KMT5A: variants seen among roughly 807,000 people sequenced by gnomAD.
The protein encoded by KMT5A is lysine methyltransferase 5A, also known as N-lysine methyltransferase KMT5A.
Under a neutral mutation model 40.6 loss-of-function variants are expected in KMT5A, and 6 were observed. The ratio of observed to expected loss-of-function variants is 0.15; its 90% CI spans 0.08 to 0.29. The LOEUF (loss-of-function observed/expected upper bound fraction) is 0.29, where lower values mean the gene tolerates loss of function less well. Ranked by LOEUF, KMT5A falls within the 10% of genes least tolerant of loss-of-function variation. The probability of loss-of-function intolerance (pLI) is 1.00; values close to 1 mark genes in which losing one functional copy is unlikely to be tolerated. For synonymous variants in KMT5A, 153 were observed against 178.8 expected (o/e 0.86, Z 1.15); for missense variants, 308 against 459.1 (o/e 0.67, Z 3.01).
intron 1 of KMT5A, chr12:123,389,226 G>GCCAT: frequency 1.6e-4 from 22 of 139,138 alleles, no homozygotes; most frequent in Non-Finnish European, 3.1e-4. Flanking sequence ...GGCGGCGCGC[G>GCCAT]GGGCCTGGCC....
intron 5 of KMT5A, among the ~76,000 whole-genome samples, chr12:123,397,473 A>G (rs560009233): frequency 1.3e-5 from 2 of 152,310 alleles, no homozygotes; most frequent in South Asian, 2.1e-4. Context: ...GCGCAGATAC[A>G]CAGTGGTCTA....
At chr12:123,398,853 G>C (rs572453772) in intron 5 of KMT5A, among the ~76,000 whole-genome samples, 16 of 152,380 alleles carry the variant, frequency 1.1e-4, no homozygotes, top group African/African-American at 3.8e-4. Flanking sequence ...GATCCAGGAG[G>C]GTGGGGCATA....
intron 7 of KMT5A, 72 bp from the exon 8 acceptor site, chr12:123,407,421 C>G (rs1878635460): frequency 7.1e-7 from 1 of 1,403,920 alleles, no homozygotes; most frequent in Non-Finnish European, 1.0e-6. Context: ...GAGCTGAGCA[C>G]AAGTGTGACT....
chr12:123,407,018 CAA>C (rs56732264), intron 7 of KMT5A, among the ~76,000 whole-genome samples: 120 of 28,488 alleles, frequency 4.2e-3, no homozygotes, highest in African/African-American at 0.016. Flanking sequence ...GACTCCCTCT[CAA>C]AAAAAAAAAA....
chr12:123,394,105 T>TC (rs55716372), intron 3 of KMT5A, among the ~76,000 whole-genome samples: 4 of 804 alleles, frequency 5.0e-3, no homozygotes, highest in Non-Finnish European at 0.02. Context: ...TTTTTTTTTC[T>TC]TTTTTTTTTT....
intron 7 of KMT5A, 78 bp from the exon 8 acceptor site, chr12:123,407,415 T>C: frequency 7.4e-7 from 1 of 1,343,160 alleles, no homozygotes. Context: ...CCACCAGAGC[T>C]GAGCACAAGT....
intron 7 of KMT5A, among the ~76,000 whole-genome samples, chr12:123,407,018 CAAAAAA>C (rs56732264): frequency 1.1e-4 from 3 of 28,504 alleles, no homozygotes; most frequent in East Asian, 1.3e-3. Context: ...GACTCCCTCT[CAAAAAA>C]AAAAAAAAAA....
At chr12:123,406,084 G>A (rs1201159084) in intron 7 of KMT5A, among the ~76,000 whole-genome samples, 1 of 152,024 alleles carries the variant, frequency 6.6e-6, no homozygotes, top group Non-Finnish European at 1.5e-5. Context: ...CTCCCAAAGT[G>A]CTGGGATTAC....
In KMT5A at chr12:123,397,256, G is replaced by A. The variant is rs542701521; in HGVS notation, c.597+824G>A. The stretch of plus-strand genomic sequence containing the variant: ...GTGTGGTTATTGCCTTTCTGTGAAG[G>A]AAACGCAGGGCATGGCAGGTCCCTC... On this transcript the variant is annotated intron_variant, in intron 5 of 7. Coordinates refer to ENST00000402868, the MANE Select transcript of KMT5A (RefSeq NM_020382.7). Among the ~76,000 whole-genome samples, 23 of 152,356 alleles carry A rather than the reference G, an allele frequency of 1.5e-4. No homozygotes were observed. In the South Asian group the frequency reaches 2.5e-3, roughly 16 times the overall value.
intron 5 of KMT5A, 126 bp downstream of exon 5, chr12:123,396,558 C>T (rs1877744841): frequency 4.8e-6 from 4 of 836,272 alleles, no homozygotes; most frequent in Non-Finnish European, 7.6e-6. Flanking sequence ...CTCTTGGCCC[C>T]TCTGGACTTG....
chr12:123,405,012 C>T lies in KMT5A; in HGVS notation c.786C>T (p.Tyr262=), dbSNP rs114151192. Residue 262 remains tyrosine, a synonymous_variant, in exon 7 of 8, where the codon TAC becomes TAT. Coordinates refer to ENST00000402868, the MANE Select transcript of KMT5A (RefSeq NM_020382.7). ...ITDAKKREAL[Y]AQDPSTGCYM... ...ACGCCAAGAAACGGGAGGCTCTGTA[C>T]GCACAGGACCCTTCCACGGGCTGCT... 2.5e-5 allele frequency: 40 copies of T among 1,614,146 alleles called. No homozygotes were observed. In the Middle Eastern group the frequency reaches 5.0e-4, roughly 20 times the overall value.
rs749919785 is a variant in KMT5A, at chr12:123,390,796, T to C, written c.289+10T>C. The C allele has an allele frequency of 2.5e-6, 4 of 1,613,676 alleles. No individual in the cohort carries two copies. The highest frequency in any genetic ancestry group is 2.2e-5 in the South Asian group (2 of 91,050). On this transcript the variant is annotated intron_variant, in intron 3 of 7. Coordinates refer to ENST00000402868, the MANE Select transcript of KMT5A (RefSeq NM_020382.7). ...TACAGGAAACGAGAAGGTAAGCTTT[T>C]GAAATGGCCTCGTTCTGATCCCAGC...
chr12:123,403,424 A>C (rs530717472), intron 5 of KMT5A, 149 bp from the exon 6 acceptor site: 2 of 713,042 alleles, frequency 2.8e-6, no homozygotes, highest in Non-Finnish European at 4.8e-6. Context: ...CTTTGCCATC[A>C]CTGGGGACCC....
intron 2 of KMT5A, 22 bp downstream of exon 2, chr12:123,389,576 A>AC: frequency 9.3e-7 from 1 of 1,071,086 alleles, no homozygotes; most frequent in Non-Finnish European, 1.1e-6. Flanking sequence ...CCCTCCCCGC[A>AC]CCCCTGCGGC....
intron 1 of KMT5A, chr12:123,388,690 T>A (rs2139156410): frequency 6.8e-6 from 1 of 147,912 alleles, no homozygotes; most frequent in Non-Finnish European, 1.5e-5. Flanking sequence ...GCTGATTTCG[T>A]CTGGCACAGA....
chr12:123,385,759 G>A (rs1448048859), intron 1 of KMT5A, among the ~76,000 whole-genome samples: 10 of 152,066 alleles, frequency 6.6e-5, no homozygotes, highest in Non-Finnish European at 1.5e-5. Flanking sequence ...GCTGAGGCAG[G>A]GAGAATTGCC....
At chr12:123,385,197 G>T (rs555825916) in intron 1 of KMT5A, among the ~76,000 whole-genome samples, 1 of 152,092 alleles carries the variant, frequency 6.6e-6, no homozygotes, top group Non-Finnish European at 1.5e-5. Context: ...TTGTTTTCAG[G>T]CCCTGAAGTC....
At chr12:123,404,820 A>G in intron 6 of KMT5A, 64 bp from the exon 7 acceptor site, 1 of 1,503,614 alleles carries the variant, frequency 6.7e-7, no homozygotes, top group Non-Finnish European at 9.0e-7. Flanking sequence ...CTCCCCGGAG[A>G]CCTGCTGTGC....
chr12:123,406,454 A>G (rs980158159), intron 7 of KMT5A, among the ~76,000 whole-genome samples: 1 of 152,184 alleles, frequency 6.6e-6, no homozygotes, highest in African/African-American at 2.4e-5. Flanking sequence ...AACTGGGATT[A>G]CAGGCATGCG....
Sources: gnomAD v4.1 joint callset for allele counts (sites outside exome capture counted in the v4.1 genomes callset) on GRCh38, gnomAD v4.1.1 for gene constraint, MANE v1.5 for transcripts, NCBI Gene and HGNC (gene_info 2026-07-23, HGNC 2026-07-21) for gene names.